The following LMF1 variants were observed in gnomAD, a reference collection of about 807,000 sequenced individuals.
LMF1 encodes the protein lipase maturation factor 1, also known as transmembrane protein 112.
LMF1 carries 68 observed loss-of-function variants against 60.6 expected under a neutral mutation model. The ratio of observed to expected loss-of-function variants is 1.12; its 90% CI spans 0.92 to 1.37. The LOEUF is 1.37. LMF1 is among the 40% of genes most tolerant of loss of function. LMF1 has a pLI of 0.00. For missense variants in LMF1, 948 were observed against 767.2 expected (o/e 1.24, Z -2.78); for synonymous variants, 418 against 324.7 (o/e 1.29, Z -3.09).
At chr16:882,259 C>T (rs2070182105) in intron 5 of LMF1, among the ~76,000 whole-genome samples, 1 of 152,276 alleles carries the variant, frequency 6.6e-6, no homozygotes, top group South Asian at 2.1e-4. Flanking sequence ...GAGCATCAGG[C>T]TCAGCTGTAG....
chr16:954,062 G>GCCTCTTACACGTCCACACAGACACAC (rs1567312834), intron 2 of LMF1, among the ~76,000 whole-genome samples: 1 of 110,748 alleles, frequency 9.0e-6, no homozygotes, highest in African/African-American at 4.1e-5. Context: ...CACAGACACA[G>GCCTCTTACACGTCCACACAGACACAC]ACCCACTGCT....
At chr16:861,603 G>A (rs912198677) in intron 10 of LMF1, among the ~76,000 whole-genome samples, 2 of 152,058 alleles carry the variant, frequency 1.3e-5, no homozygotes, top group South Asian at 2.1e-4. Context: ...TGACTGGCCT[G>A]CCTTGGCCTC....
chr16:974,652 G>A (rs533427636), upstream of LMF1, among the ~76,000 whole-genome samples: 163 of 152,340 alleles, frequency 1.1e-3, 1 homozygote, highest in Admixed American at 3.1e-3. Context: ...CGCCAGCACA[G>A]CCCCCAGGAC....
intron 3 of LMF1, 166 bp downstream of exon 3, chr16:934,078 A>T (rs1345626810): frequency 6.6e-7 from 1 of 1,520,356 alleles, no homozygotes; most frequent in Non-Finnish European, 8.8e-7. Context: ...TCCAGGGAGG[A>T]GGCACGGATC....
At chr16:860,473 G>A (rs1446132721) in intron 10 of LMF1, among the ~76,000 whole-genome samples, 4 of 152,012 alleles carry the variant, frequency 2.6e-5, no homozygotes, top group Non-Finnish European at 5.9e-5. Context: ...CCGAGTAGCT[G>A]GGACTACAGG....
In LMF1 at chr16:979,127, G is replaced by A. The variant is rs1053437882; in HGVS notation, c.-135+2018C>T. 6.6e-6 allele frequency: 3 copies of A among 452,452 alleles called. No individual in the cohort carries two copies. In the Admixed American group the frequency reaches 7.1e-5, roughly 11 times the overall value. 28.0% of individuals were successfully genotyped at this position (452,452 alleles called of 1,614,324 possible). A position where few individuals can be genotyped will look rare whatever the true frequency, so the allele number is the denominator to read the frequency against. On this transcript the variant is annotated intron_variant, in intron 1 of 6. Coordinates refer to the LMF1 transcript ENST00000570014. Reference sequence around the variant, plus strand: ...GGAAAGTGCCTGGCACACAGCAAGTGCTTAATTAATACCTGGTGACCCTCA... The same window carrying A: ...GGAAAGTGCCTGGCACACAGCAAGTACTTAATTAATACCTGGTGACCCTCA...
Position 874,316 on chromosome 16 carries a change from G to A in LMF1, c.898-2975C>T, listed in dbSNP as rs2069903839. 6.6e-6 allele frequency among the ~76,000 whole-genome samples: 1 copy of A among 151,788 alleles called. No individual in the cohort carries two copies. Among genetic ancestry groups the A allele is most frequent in the African/African-American group, 2.4e-5 (1 of 41,372 alleles). ...GGCCTCTGTCTTGAGCGGGCGTGGG[G>A]TGCAGCCACCACAGGGCAAGGAGCC... On this transcript the variant is annotated intron_variant, in intron 6 of 10. Transcript: ENST00000262301. The surrounding 1 kb of genome is among the most constrained non-coding windows in gnomAD (Gnocchi z 4.1).
In LMF1 at chr16:854,055, C is replaced by T. The variant is rs546816948; in HGVS notation, c.*477G>A. On this transcript the variant is annotated 3_prime_UTR_variant, in exon 11 of 11. Transcript: ENST00000262301. ...TCCCTGTGGGGCGAGGGTTTGGCTG[C>T]CCCAGACGTGACAGGGACTTGGCTC... The T allele has an allele frequency of 3.1e-5, 14 of 455,326 alleles. No homozygotes were observed. Among genetic ancestry groups the T allele is most frequent in the South Asian group, 1.9e-4 (12 of 64,474 alleles). 28.2% of individuals were successfully genotyped at this position (455,326 alleles called of 1,614,324 possible).
intron 6 of LMF1, chr16:871,574 T>C (rs2069794986): frequency 5.3e-6 from 3 of 569,124 alleles, no homozygotes; most frequent in Non-Finnish European, 9.4e-6. Context: ...CTCCCATGAC[T>C]GCACATTTCT....
chr16:864,426 C>T (rs6600234), intron 10 of LMF1, among the ~76,000 whole-genome samples: 17,386 of 152,232 alleles, frequency 0.11, 3,096 homozygotes, highest in African/African-American at 0.38. Context: ...GTTTTCACTT[C>T]CATACAGTAT....
chr16:937,940 A>G (rs9746779), intron 2 of LMF1, among the ~76,000 whole-genome samples: 71,279 of 150,402 alleles, frequency 0.47, 18,576 homozygotes, highest in African/African-American at 0.69. Context: ...AACCACGCCC[A>G]GGTTCCTGAC....
chr16:916,402 G>A (rs12928805), intron 3 of LMF1, among the ~76,000 whole-genome samples: 4,784 of 152,254 alleles, frequency 0.031, 125 homozygotes, highest in African/African-American at 0.049. Context: ...TTCTAATGGC[G>A]GCCCCAGAGA....
intron 5 of LMF1, among the ~76,000 whole-genome samples, chr16:883,238 C>T (rs12446213): frequency 0.045 from 6,662 of 148,904 alleles, 480 homozygotes; most frequent in African/African-American, 0.14. Flanking sequence ...AGCTGCTCAG[C>T]AGAGCCTATC....
chr16:925,733 C>A (rs764678319), intron 3 of LMF1, among the ~76,000 whole-genome samples: 1 of 152,124 alleles, frequency 6.6e-6, no homozygotes, highest in Non-Finnish European at 1.5e-5. Context: ...AAGGCCCTGT[C>A]TCTGAAGAAA....
chr16:895,897 C>G, intron 4 of LMF1, among the ~76,000 whole-genome samples: 1 of 132,420 alleles, frequency 7.6e-6, no homozygotes, highest in East Asian at 2.3e-4. Context: ...CTGCACGGTC[C>G]ACAGACACGC....
intron 1 of LMF1, among the ~76,000 whole-genome samples, chr16:966,261 T>A (rs567666189): frequency 7.9e-5 from 12 of 152,244 alleles, no homozygotes; most frequent in Non-Finnish European, 7.4e-5. Context: ...CTGCAAGCAG[T>A]GCAGGTGGAC....
At chr16:944,927 T>A (rs2072199028) in intron 2 of LMF1, among the ~76,000 whole-genome samples, 1 of 146,498 alleles carries the variant, frequency 6.8e-6, no homozygotes, top group East Asian at 2.0e-4. Flanking sequence ...TTAAAAAAAA[T>A]AGGGGGCTGG....
In LMF1 at chr16:931,020, C is replaced by T. The variant is rs567044548; in HGVS notation, c.514+3224G>A. Among the ~76,000 whole-genome samples the T allele has an allele frequency of 2.6e-5, 4 of 152,178 alleles. No homozygotes were observed. The East Asian group carries it at 7.8e-4, about 29-fold the overall frequency. On this transcript the variant is annotated intron_variant, in intron 3 of 10. Coordinates refer to ENST00000262301, the MANE Select transcript of LMF1 (RefSeq NM_022773.4). ...CCTGTAATCCCAGCTACTCGGGAGG[C>T]TGAGGCAGGAGAATCACTTGAACCC...
rs1261211497 is a variant in LMF1 at position 877,264 on chromosome 16, A to T, written c.897+2306T>A. Among the ~76,000 whole-genome samples the T allele has an allele frequency of 1.1e-4, 16 of 152,328 alleles. No homozygotes were observed. In the Middle Eastern group the frequency reaches 0.024, roughly 227 times the overall value. ...TAATACTATGACTTTTTTTGCCAAA[A>T]GATTTGAAAACAGATGAACAAATTC... On this transcript the variant is annotated intron_variant, in intron 6 of 10. Transcript: ENST00000262301.
Sources: gnomAD v4.1 joint callset for allele counts (sites outside exome capture counted in the v4.1 genomes callset) on GRCh38, gnomAD v4.1.1 for gene constraint, Gnocchi (gnomAD v3.1) non-coding constraint, MANE v1.5 for transcripts, NCBI Gene and HGNC (gene_info 2026-07-23, HGNC 2026-07-21) for gene names.